Variants in RPGRIP1L observed in about 807,000 individuals in gnomAD.
The protein encoded by RPGRIP1L is RPGRIP1 like.
In RPGRIP1L, 131 loss-of-function variants were observed where a neutral mutation model predicts 160.4. The ratio of observed to expected loss-of-function variants is 0.82; its 90% CI spans 0.71 to 0.94. The LOEUF (loss-of-function observed/expected upper bound fraction) is 0.94. RPGRIP1L is among the 40% of genes least tolerant of loss of function. The pLI is 0.00. For synonymous variants in RPGRIP1L, 510 were observed against 515.8 expected, an observed-to-expected ratio of 0.99 and a Z score of 0.15; for missense variants, 1,522 against 1,535.8, an observed-to-expected ratio of 0.99 and a Z score of 0.15.
At chr16:53,701,799 C>T (rs2151421968) in intron 1 of RPGRIP1L, 1 of 151,768 alleles carries the variant, frequency 6.6e-6, no homozygotes, top group East Asian at 1.9e-4. Flanking sequence ...GTCTGTGAAC[C>T]CAGAGATGGT....
intron 19 of RPGRIP1L, among the ~76,000 whole-genome samples, chr16:53,639,975 T>C (rs1439623152): frequency 6.6e-6 from 1 of 152,198 alleles, no homozygotes; most frequent in East Asian, 1.9e-4. Context: ...GCTCTATGCT[T>C]AAGATTGATG....
intron 2 of RPGRIP1L, among the ~76,000 whole-genome samples, chr16:53,699,386 TAAAAAAAA>T (rs10652484): frequency 1.3e-5 from 1 of 77,452 alleles, no homozygotes; most frequent in East Asian, 4.6e-4. Flanking sequence ...GAATGATCAA[TAAAAAAAA>T]AAAAAAAAAA....
intron 14 of RPGRIP1L, chr16:53,653,537 A>G: frequency 6.2e-6 from 1 of 160,838 alleles, no homozygotes; most frequent in East Asian, 1.9e-4. Flanking sequence ...GAAAAAGCCA[A>G]CAATAATCAA....
rs1567785925 is a variant in RPGRIP1L, at chr16:53,602,189, C to T, written c.3836-1G>A. The T allele has an allele frequency of 6.2e-7, 1 of 1,606,996 alleles. No individual in the cohort carries two copies. Among genetic ancestry groups the T allele is most frequent in the Non-Finnish European group, 8.5e-7 (1 of 1,173,676 alleles). On this transcript the variant is annotated splice_acceptor_variant, in intron 26 of 26. Transcript: ENST00000647211. LOFTEE classifies it high-confidence loss of function. The stretch of plus-strand genomic sequence containing the variant: ...TCACCATCTGCTCGTGCATCAAAAA[C>T]TAGGGAGAAAAGAGCAGGAAAGTGT...
rs6499632 is a variant in RPGRIP1L, at chr16:53,599,169, T to C, written c.*2907A>G. 0.61 allele frequency: 92,121 copies of C among 152,068 alleles called. 29,846 individuals are homozygous for C. The highest frequency in any genetic ancestry group is 0.86 in the African/African-American group (35,583 of 41,502). 9.4% of individuals were successfully genotyped at this position (152,068 alleles called of 1,614,324 possible). A position where few individuals can be genotyped will look rare whatever the true frequency, so the allele number is the denominator to read the frequency against. ...TCACATGACCACTTCTCAGCCCACA[T>C]GTCTTCATAACACATAGAAATTATT... is the stretch of plus-strand genomic sequence containing the variant. On this transcript the variant is annotated 3_prime_UTR_variant, in exon 27 of 27. Coordinates refer to ENST00000647211, the MANE Select transcript of RPGRIP1L (RefSeq NM_015272.5).
intron 22 of RPGRIP1L, among the ~76,000 whole-genome samples, chr16:53,622,799 C>CCACACACACACACACACACACA (rs201959082): frequency 1.5e-5 from 2 of 135,810 alleles, no homozygotes; most frequent in African/African-American, 5.8e-5. Flanking sequence ...AAAACAAAAA[C>CCACACACACACACACACACACA]CACACACACA....
At chr16:53,674,880 T>C in intron 7 of RPGRIP1L, 137 bp downstream of exon 7, 1 of 633,416 alleles carries the variant, frequency 1.6e-6, no homozygotes, top group South Asian at 1.9e-5. Flanking sequence ...ATGATACACA[T>C]TTGTGAATAC....
At chr16:53,680,627 G>A (rs1969533251) in intron 6 of RPGRIP1L, among the ~76,000 whole-genome samples, 1 of 152,190 alleles carries the variant, frequency 6.6e-6, no homozygotes, top group Admixed American at 6.5e-5. Flanking sequence ...GATATGGACT[G>A]TGTATTAGAT....
intron 22 of RPGRIP1L, among the ~76,000 whole-genome samples, chr16:53,624,367 A>G (rs1463043715): frequency 1.3e-5 from 2 of 151,332 alleles, no homozygotes; most frequent in Non-Finnish European, 2.9e-5. Context: ...CCTGGCTAAC[A>G]CGGTGAAACC....
At chr16:53,653,375 TTTAAC>T in intron 14 of RPGRIP1L, 2 of 1,041,776 alleles carry the variant, frequency 1.9e-6, no homozygotes, top group East Asian at 1.8e-4. Flanking sequence ...CCTCCTTTCC[TTTAAC>T]TTATTAAGAT....
At chr16:53,611,576 G>A (rs1355096582) in intron 24 of RPGRIP1L, among the ~76,000 whole-genome samples, 1 of 152,226 alleles carries the variant, frequency 6.6e-6, no homozygotes, top group Middle Eastern at 3.2e-3. Context: ...GGAGAGAAAC[G>A]TGCAGGGAGA....
intron 22 of RPGRIP1L, among the ~76,000 whole-genome samples, chr16:53,627,963 C>T (rs1258431781): frequency 6.6e-6 from 1 of 152,128 alleles, no homozygotes; most frequent in Non-Finnish European, 1.5e-5. Flanking sequence ...CTATTGCAAA[C>T]AATGTTGCAT....
At chr16:53,685,507 T>A (rs1969939824) in intron 6 of RPGRIP1L, among the ~76,000 whole-genome samples, 3 of 152,214 alleles carry the variant, frequency 2.0e-5, no homozygotes. Context: ...ATACATACCA[T>A]GGAATACTAT....
At chr16:53,665,627 T>C (rs1968178713) in intron 9 of RPGRIP1L, among the ~76,000 whole-genome samples, 2 of 152,218 alleles carry the variant, frequency 1.3e-5, no homozygotes, top group African/African-American at 2.4e-5. Context: ...GCTCTGTGCC[T>C]GATAAGAATG....
At chr16:53,697,200 GAAAGA>G in intron 2 of RPGRIP1L, among the ~76,000 whole-genome samples, 2 of 151,008 alleles carry the variant, frequency 1.3e-5, no homozygotes, top group East Asian at 3.9e-4. Flanking sequence ...AAAAAAAAAA[GAAAGA>G]AAAGAAAGAA....
intron 22 of RPGRIP1L, among the ~76,000 whole-genome samples, chr16:53,625,205 G>C (rs992610549): frequency 6.6e-6 from 1 of 152,078 alleles, no homozygotes; most frequent in African/African-American, 2.4e-5. Flanking sequence ...GAAGTGAGGA[G>C]CGTCTCTGCC....
rs776018450 is a variant in RPGRIP1L, at chr16:53,664,995, G to A, written c.1118C>T (p.Ala373Val). 2 of 1,613,550 alleles carry A rather than the reference G, an allele frequency of 1.2e-6. No homozygotes were observed. Among genetic ancestry groups the A allele is most frequent in the South Asian group, 1.1e-5 (1 of 91,082 alleles). ...CTTTAACTTCCATTGCTCTTCATGG[G>A]CAGCACTGAAGGCACTGCAAAACAC... ...DKLYDSAFSA[A>V]HEEQWKLKEQ... The change falls in exon 10 of 27, where the codon GCC becomes GTC. Residue 373 changes from alanine (A) to valine (V), a missense_variant. Physicochemically the swap from Ala to Val is moderately conservative, Grantham distance 64. Transcript: ENST00000647211.
intron 10 of RPGRIP1L, among the ~76,000 whole-genome samples, chr16:53,662,333 C>A (rs1967872870): frequency 6.6e-6 from 1 of 152,098 alleles, no homozygotes; most frequent in South Asian, 2.1e-4. Flanking sequence ...TAAACACATG[C>A]AGTTAATTTA....
At chr16:53,622,089 G>T (rs1238421896) in intron 23 of RPGRIP1L, 130 bp downstream of exon 23, 2 of 340,164 alleles carry the variant, frequency 5.9e-6, no homozygotes, top group Non-Finnish European at 1.1e-5. Flanking sequence ...GATTGGCCCG[G>T]CGCAGTGGCT....
Sources: gnomAD v4.1 joint callset for allele counts (sites outside exome capture counted in the v4.1 genomes callset) on GRCh38, gnomAD v4.1.1 for gene constraint, MANE v1.5 for transcripts, NCBI Gene and HGNC (gene_info 2026-07-23, HGNC 2026-07-21) for gene names.